The following NBEA variants were observed in gnomAD, a reference collection of about 807,000 sequenced individuals.
NBEA encodes lysosomal-trafficking regulator 2.
A neutral mutation model predicts 343.4 loss-of-function variants in NBEA; 44 were observed. The ratio of observed to expected loss-of-function variants is 0.13; its 90% CI spans 0.10 to 0.16. The LOEUF (loss-of-function observed/expected upper bound fraction) is 0.16, where lower values mean the gene tolerates loss of function less well. NBEA is among the 10% of genes least tolerant of loss of function. The probability of loss-of-function intolerance (pLI) is 1.00; values close to 1 mark genes in which losing one functional copy is unlikely to be tolerated. For synonymous variants in NBEA, 1,175 were observed against 1,238.7 expected (o/e 0.95, Z 1.08); for missense variants, 2,555 against 3,631.3 (o/e 0.70, Z 7.62).
chr13:35,093,320 A>G (rs1471353413), intron 10 of NBEA, among the ~76,000 whole-genome samples: 3 of 151,824 alleles, frequency 2.0e-5, no homozygotes, highest in African/African-American at 7.2e-5. Context: ...TACACCAAAA[A>G]AAAAAAAAAG....
intron 49 of NBEA, among the ~76,000 whole-genome samples, chr13:35,639,948 A>G (rs1413901827): frequency 6.7e-6 from 1 of 149,358 alleles, no homozygotes; most frequent in African/African-American, 2.5e-5. Context: ...ATACTGAATT[A>G]CATTTACCAA....
chr13:35,649,362 C>A (rs1185884206), intron 51 of NBEA, among the ~76,000 whole-genome samples: 1 of 152,170 alleles, frequency 6.6e-6, no homozygotes, highest in African/African-American at 2.4e-5. Context: ...TGTCTATGAG[C>A]TAACTTTTCA....
At chr13:35,390,350 T>C (rs959351579) in intron 38 of NBEA, among the ~76,000 whole-genome samples, 6 of 152,184 alleles carry the variant, frequency 3.9e-5, no homozygotes, top group African/African-American at 1.4e-4. Flanking sequence ...CTTTGGAGAC[T>C]TTAATCCATT....
chr13:35,191,292 A>G (rs1019897107), intron 30 of NBEA, among the ~76,000 whole-genome samples: 3 of 152,098 alleles, frequency 2.0e-5, no homozygotes, highest in African/African-American at 7.2e-5. Flanking sequence ...ATATATGTCT[A>G]AAAAGCTCAA....
At chr13:35,047,123 A>T (rs1036091628) in intron 4 of NBEA, among the ~76,000 whole-genome samples, 1 of 152,064 alleles carries the variant, frequency 6.6e-6, no homozygotes. Flanking sequence ...ATATTGTATG[A>T]TAATAAAACT....
chr13:35,073,221 T>C (rs2063952713), intron 10 of NBEA, among the ~76,000 whole-genome samples: 2 of 152,192 alleles, frequency 1.3e-5, no homozygotes, highest in Non-Finnish European at 2.9e-5. Context: ...TTTTATGTTT[T>C]ATGGCTATAT....
chr13:34,962,455 A>G (rs2059691656), intron 1 of NBEA, among the ~76,000 whole-genome samples: 1 of 152,106 alleles, frequency 6.6e-6, no homozygotes, highest in African/African-American at 2.4e-5. Context: ...TACTCTGGCA[A>G]AAATTGCTTA....
chr13:35,268,202 A>AC (rs1283429762), intron 34 of NBEA, among the ~76,000 whole-genome samples: 1 of 152,124 alleles, frequency 6.6e-6, no homozygotes, highest in Non-Finnish European at 1.5e-5. Context: ...ATATAATGCA[A>AC]CATGAATGAC....
intron 33 of NBEA, among the ~76,000 whole-genome samples, chr13:35,211,839 CAAAT>C (rs375501978): frequency 1.9e-4 from 29 of 151,480 alleles, no homozygotes; most frequent in African/African-American, 5.3e-4. Context: ...AATAAATAAA[CAAAT>C]AAACAAACAA....
chr13:34,985,882 T>C (rs1190054317), intron 1 of NBEA, among the ~76,000 whole-genome samples: 1 of 150,944 alleles, frequency 6.6e-6, no homozygotes, highest in Non-Finnish European at 1.5e-5. Flanking sequence ...AGTGGTGATA[T>C]CCCCTTTACT....
At chr13:35,298,836 T>C (rs2036338535) in intron 35 of NBEA, among the ~76,000 whole-genome samples, 1 of 152,030 alleles carries the variant, frequency 6.6e-6, no homozygotes, top group Non-Finnish European at 1.5e-5. Context: ...ATCTTCTCTT[T>C]GAATTGATCA....
chr13:35,543,123 C>T (rs2078909929), intron 41 of NBEA, among the ~76,000 whole-genome samples: 1 of 151,988 alleles, frequency 6.6e-6, no homozygotes, highest in South Asian at 2.1e-4. Flanking sequence ...AGCATACAGT[C>T]ATACAACAGC....
chr13:35,379,965 C>T (rs551426607), intron 38 of NBEA, among the ~76,000 whole-genome samples: 7 of 152,122 alleles, frequency 4.6e-5, no homozygotes, highest in Non-Finnish European at 8.8e-5. Context: ...TTTGCATTTT[C>T]ATATTAATTT....
At chr13:35,183,789 TACTC>T (rs2071483855) in intron 29 of NBEA, among the ~76,000 whole-genome samples, 183 bp from the exon 30 acceptor site, 1 of 152,144 alleles carries the variant, frequency 6.6e-6, no homozygotes, top group Non-Finnish European at 1.5e-5. Context: ...TTGCTAGAAT[TACTC>T]TACTTAACAA....
intron 33 of NBEA, among the ~76,000 whole-genome samples, chr13:35,213,697 T>C (rs1323945779): frequency 1.3e-5 from 2 of 150,452 alleles, no homozygotes; most frequent in Non-Finnish European, 3.0e-5. Flanking sequence ...AATTGAATAT[T>C]TTGTATGTTT....
At chr13:35,000,044 A>G (rs1366643014) in intron 1 of NBEA, among the ~76,000 whole-genome samples, 1 of 152,168 alleles carries the variant, frequency 6.6e-6, no homozygotes, top group Non-Finnish European at 1.5e-5. Flanking sequence ...AAAATTGGGT[A>G]CAGTAATATC....
chr13:35,384,777 C>T (rs1339917586), intron 38 of NBEA, among the ~76,000 whole-genome samples: 1 of 152,086 alleles, frequency 6.6e-6, no homozygotes, highest in East Asian at 1.9e-4. Flanking sequence ...CCACCCACCT[C>T]GGCCTCCCAA....
At chr13:35,574,390 G>GAAAAAAAAAAAAAAAA (rs1211548433) in intron 45 of NBEA, among the ~76,000 whole-genome samples, 3 of 136,270 alleles carry the variant, frequency 2.2e-5, no homozygotes, top group Non-Finnish European at 3.1e-5. Context: ...CAAAAAAAAA[G>GAAAAAAAAAAAAAAAA]AAAAACAAAA....
At chr13:35,520,330 G>C (rs1197440286) in intron 41 of NBEA, among the ~76,000 whole-genome samples, 1 of 152,148 alleles carries the variant, frequency 6.6e-6, no homozygotes, top group Admixed American at 6.5e-5. Flanking sequence ...CCAAGCCTAA[G>C]GTGCCTACTA....
Sources: allele counts gnomAD v4.1 joint callset (sites outside exome capture counted in the v4.1 genomes callset), GRCh38; gene constraint gnomAD v4.1.1; transcripts MANE v1.5; gene names NCBI Gene and HGNC (gene_info 2026-07-23, HGNC 2026-07-21).